RCVRN: variants seen among roughly 807,000 people sequenced by gnomAD.
RCVRN encodes recoverin.
In RCVRN, 23 loss-of-function variants were observed where a neutral mutation model predicts 20.4. The observed-to-expected ratio is 1.13, with a 90% confidence interval of 0.81 to 1.60. RCVRN has a LOEUF of 1.60. RCVRN is among the 40% of genes most tolerant of loss of function. RCVRN has a pLI of 0.00. For synonymous variants in RCVRN, 105 were observed against 105.9 expected, an observed-to-expected ratio of 0.99 and a Z score of 0.05; for missense variants, 254 against 254.2, an observed-to-expected ratio of 1.00 and a Z score of 0.00.
rs2067338899 is a variant in RCVRN, at chr17:9,900,978, A to G, written c.493+11T>C. 5 of 1,514,456 alleles carry G rather than the reference A, an allele frequency of 3.3e-6. No individual in the cohort carries two copies. The African/African-American group carries it at 6.9e-5, about 21-fold the overall frequency. 93.8% of individuals were successfully genotyped at this position (1,514,456 alleles called of 1,614,324 possible). On this transcript the variant is annotated intron_variant, in intron 2 of 2. Coordinates refer to ENST00000226193, the MANE Select transcript of RCVRN (RefSeq NM_002903.3). The stretch of plus-strand genomic sequence containing the variant: ...TGAAAAATCAAAGGCAATGAAGGAA[A>G]AGGAATTCACCATCATCATTCTTTC...
rs555252998 is a variant in RCVRN at position 9,897,657 on chromosome 17, G to A, written c.*438C>T. ...CAACACAGCCTTGTCTTTGAGGTGT[G>A]ACTGATAGAAATCATTTCCTTTTCC... On this transcript the variant is annotated 3_prime_UTR_variant, in exon 3 of 3. Transcript: ENST00000226193. The A allele has an allele frequency of 5.9e-6, 1 of 168,862 alleles. No homozygotes were observed. Among genetic ancestry groups the A allele is most frequent in the African/African-American group, 2.4e-5 (1 of 41,932 alleles). The allele number at this position is 168,862 out of a possible 1,614,324, so 10.5% of individuals were successfully genotyped here.
intron 1 of RCVRN, among the ~76,000 whole-genome samples, chr17:9,902,562 A>C (rs1645708778): frequency 9.7e-6 from 1 of 103,218 alleles, no homozygotes; most frequent in African/African-American, 2.7e-5. Context: ...CTGAAAAAGA[A>C]TAAATTAAAA....
chr17:9,901,994 C>A (rs1299199102), intron 1 of RCVRN, among the ~76,000 whole-genome samples: 1 of 151,958 alleles, frequency 6.6e-6, no homozygotes, highest in Non-Finnish European at 1.5e-5. Context: ...TGGAGTCTCC[C>A]TCCCTCCCTT....
rs1422418446 is a variant in RCVRN, at chr17:9,896,820, C to G, written c.*1275G>C. The G allele has an allele frequency of 6.6e-6, 1 of 152,324 alleles. No homozygotes were observed. The highest frequency in any genetic ancestry group is 1.5e-5 in the Non-Finnish European group (1 of 68,124). 9.4% of individuals were successfully genotyped at this position (152,324 alleles called of 1,614,324 possible). ...CTGAATTCATCATTGTTCCCTGAAA[C>G]CCCAAAGACTCTCTGTATTTCTCAT... On this transcript the variant is annotated 3_prime_UTR_variant, in exon 3 of 3. Coordinates refer to ENST00000226193, the MANE Select transcript of RCVRN (RefSeq NM_002903.3).
Position 9,903,123 on chromosome 17 carries a change from T to C in RCVRN, c.381+1677A>G, listed in dbSNP as rs189125959. ...AGCTTTAACATTATTTAAAATTATA[T>C]AGGTAAAAGACTGAAAAGGTATATA... On this transcript the variant is annotated intron_variant, in intron 1 of 2. Coordinates refer to ENST00000226193, the MANE Select transcript of RCVRN (RefSeq NM_002903.3). 1.4e-3 allele frequency among the ~76,000 whole-genome samples: 217 copies of C among 152,328 alleles called. 1 individual carries two copies. Among genetic ancestry groups the C allele is most frequent in the African/African-American group, 4.9e-3 (203 of 41,566 alleles).
rs1269486287 is a variant in RCVRN at position 9,905,056 on chromosome 17, C to T, written c.125G>A (p.Gly42Asp). The change falls in exon 1 of 3, where the codon GGC (glycine) becomes GAC (aspartate). Residue 42 changes from glycine to aspartate, a missense_variant. Physicochemically the swap from Gly to Asp is moderately conservative, Grantham distance 94 (BLOSUM62 -1). Transcript: ENST00000226193. ...YQSFLKDCPT[G>D]RITQQQFQSI... ...CTGGAACTGCTGCTGGGTGATGCGG[C>T]CGGTGGGACAGTCCTTCAGGAAGGA... 1.2e-6 allele frequency: 2 copies of T among 1,612,778 alleles called. No individual in the cohort carries two copies. Among genetic ancestry groups the T allele is most frequent in the Non-Finnish European group, 1.7e-6 (2 of 1,179,388 alleles).
Position 9,904,869 on chromosome 17 carries a change from C to T in RCVRN, c.312G>A (p.Trp104Ter). ...CGTCCACGTCGTAGAGGGAGAAGGC[C>T]CACTCCAGCTTCTGGTTGGTCTTGC... ...TAGKTNQKLE[W>*]AFSLYDVDGN... The change falls in exon 1 of 3, where the codon TGG becomes TGA. Residue 104 changes from tryptophan (W) to a stop codon, truncating the protein, a stop_gained. Coordinates refer to ENST00000226193, the MANE Select transcript of RCVRN (RefSeq NM_002903.3). LOFTEE classifies it high-confidence loss of function. This position sits in a 1 kb window ranked among gnomAD's most constrained non-coding sequence, Gnocchi z 5.8. 1.2e-6 allele frequency: 2 copies of T among 1,614,180 alleles called. No individual in the cohort carries two copies. Among genetic ancestry groups the T allele is most frequent in the Non-Finnish European group, 1.7e-6 (2 of 1,180,024 alleles).
In RCVRN at chr17:9,896,961, G is replaced by A. The variant is rs555185960; in HGVS notation, c.*1134C>T. On this transcript the variant is annotated 3_prime_UTR_variant, in exon 3 of 3. Transcript: ENST00000226193. ...CAGGTGGATGCTACCTCCTAAATGT[G>A]TCCTCACTGGATCTGGTCCTCTCCA... is the stretch of plus-strand genomic sequence containing the variant. 6.6e-6 allele frequency: 1 copy of A among 152,432 alleles called. No homozygotes were observed. The highest frequency in any genetic ancestry group is 2.4e-5 in the African/African-American group (1 of 41,416). The allele number at this position is 152,432 out of a possible 1,614,324, so 9.4% of individuals were successfully genotyped here. A position where few individuals can be genotyped will look rare whatever the true frequency, so the allele number is the denominator to read the frequency against.
intron 1 of RCVRN, among the ~76,000 whole-genome samples, chr17:9,902,726 G>A (rs1405477374): frequency 2.0e-5 from 3 of 152,198 alleles, no homozygotes; most frequent in African/African-American, 4.8e-5. Context: ...GGTTGGGTGC[G>A]GAAGCTCACG....
rs2067358126 is a variant in RCVRN, at chr17:9,905,117, T to TG, written c.63dup (p.Lys22GlnfsTer93). The TG allele has an allele frequency of 6.2e-7, 1 of 1,609,908 alleles. No homozygotes were observed. Among genetic ancestry groups the TG allele is most frequent in the Non-Finnish European group, 8.5e-7 (1 of 1,178,466 alleles). On this transcript the variant is annotated frameshift_variant, in exon 1 of 3. Transcript: ENST00000226193. LOFTEE classifies it high-confidence loss of function. The stretch of plus-strand genomic sequence containing the variant: ...GAGCACAGCTCCTCCTCCGAGAACT[T>TG]GGTGTTCAGCTGCAGCTCCTCCAGG...
intron 2 of RCVRN, among the ~76,000 whole-genome samples, chr17:9,900,193 T>G (rs1243301423): frequency 6.6e-6 from 1 of 152,158 alleles, no homozygotes; most frequent in Non-Finnish European, 1.5e-5. Context: ...TCATCATTCC[T>G]GCCCCTCCAG....
At chr17:9,901,961 C>G (rs2067343531) in intron 1 of RCVRN, among the ~76,000 whole-genome samples, 1 of 152,198 alleles carries the variant, frequency 6.6e-6, no homozygotes, top group African/African-American at 2.4e-5. Flanking sequence ...CCTTCTGCCA[C>G]CTTGCACAGC....
Position 9,905,109 on chromosome 17 carries a change from C to T in RCVRN, c.72G>A (p.Ser24=), listed in dbSNP as rs112120832. ...LEELQLNTKF[S]EEELCSWYQS... Reference sequence around the variant, plus strand: ...GGTACCAGGAGCACAGCTCCTCCTCCGAGAACTTGGTGTTCAGCTGCAGCT... The same window carrying T: ...GGTACCAGGAGCACAGCTCCTCCTCTGAGAACTTGGTGTTCAGCTGCAGCT... The change falls in exon 1 of 3, where the codon TCG becomes TCA. Residue 24 remains serine, a synonymous_variant. Coordinates refer to ENST00000226193, the MANE Select transcript of RCVRN (RefSeq NM_002903.3). 1.6e-4 allele frequency: 253 copies of T among 1,609,830 alleles called. No individual in the cohort carries two copies. The highest frequency in any genetic ancestry group is 2.0e-4 in the Non-Finnish European group (239 of 1,178,202).
At position 9,898,101 on chromosome 17, in the gene RCVRN, G is replaced by A. The variant is rs747227351; in HGVS notation, c.597C>T (p.Asn199=). The stretch of plus-strand genomic sequence containing the variant: ...GACAGCTGAACAGTTGGCATCAGGC[G>A]TTCTTCATCTTTTCCTTCACTTTTT... ...EPQKVKEKMK[N]A Residue 199 remains asparagine, a synonymous_variant, in exon 3 of 3, where the codon AAC becomes AAT. Coordinates refer to ENST00000226193, the MANE Select transcript of RCVRN (RefSeq NM_002903.3). 2.4e-5 allele frequency: 39 copies of A among 1,611,738 alleles called. No individual in the cohort carries two copies. Among genetic ancestry groups the A allele is most frequent in the East Asian group, 1.1e-4 (5 of 44,880 alleles).
rs61094012 is a variant in RCVRN, at chr17:9,900,505, A to G, written c.493+484T>C. Among the ~76,000 whole-genome samples the G allele has an allele frequency of 7.3e-3, 1,104 of 150,950 alleles. 13 individuals carry two copies. The highest frequency in any genetic ancestry group is 0.026 in the African/African-American group (1,053 of 41,200). On this transcript the variant is annotated intron_variant, in intron 2 of 2. Transcript: ENST00000226193. Reference sequence around the variant, plus strand: ...TTTCCTAACCTTCCTTTCTTTCCTAACCTTCCTTTCTTTCCCTCTCTCCCT... The same window carrying G: ...TTTCCTAACCTTCCTTTCTTTCCTAGCCTTCCTTTCTTTCCCTCTCTCCCT...
rs755169413 is a variant in RCVRN, at chr17:9,904,781, G to T, written c.381+19C>A. On this transcript the variant is annotated intron_variant, in intron 1 of 2. Transcript: ENST00000226193. The surrounding 1 kb of genome is among the most constrained non-coding windows in gnomAD (Gnocchi z 5.8). ...CGACCCCGGCACCGCCCAGCCAGAA[G>T]GGGAGAGGGGAGACTGACCATGACG... 2.5e-6 allele frequency: 4 copies of T among 1,604,000 alleles called. 1 individual carries two copies. In the Admixed American group the frequency reaches 5.0e-5, roughly 20 times the overall value.
chr17:9,903,365 T>C (rs1028318898), intron 1 of RCVRN, among the ~76,000 whole-genome samples: 2 of 152,184 alleles, frequency 1.3e-5, no homozygotes, highest in Non-Finnish European at 2.9e-5. Flanking sequence ...AGAAGGCGTG[T>C]TGGGAACCAT....
intron 2 of RCVRN, 26 bp from the exon 3 acceptor site, chr17:9,898,230 G>C (rs117752682): frequency 1.4e-6 from 2 of 1,418,270 alleles, no homozygotes; most frequent in Non-Finnish European, 1.0e-6. Context: ...AAATATATAC[G>C]TACATAAAAC....
At position 9,897,997 on chromosome 17, in the gene RCVRN, TGTGC is replaced by T. The variant is rs2067325256; in HGVS notation, c.*94_*97del. 11 of 760,010 alleles carry T rather than the reference TGTGC, an allele frequency of 1.4e-5. No homozygotes were observed. The highest frequency in any genetic ancestry group is 2.6e-4 in the Middle Eastern group (1 of 3,858). 47.1% of individuals were successfully genotyped at this position (760,010 alleles called of 1,614,324 possible). A position where few individuals can be genotyped will look rare whatever the true frequency, so the allele number is the denominator to read the frequency against. On this transcript the variant is annotated 3_prime_UTR_variant, in exon 3 of 3. Transcript: ENST00000226193. ...CCTGGGGTGGATGTGTGTGTGTGTG[TGTGC>T]GCGCGCGTGTGTGTGCATGTGTGTG...
Sources: gnomAD v4.1 joint callset for allele counts (sites outside exome capture counted in the v4.1 genomes callset) on GRCh38, gnomAD v4.1.1 for gene constraint, Gnocchi (gnomAD v3.1) non-coding constraint, MANE v1.5 for transcripts, NCBI Gene and HGNC (gene_info 2026-07-23, HGNC 2026-07-21) for gene names.